NMNAT2: variants seen among roughly 807,000 people sequenced by gnomAD.
The protein encoded by NMNAT2 is nicotinamide/nicotinic acid mononucleotide adenylyltransferase 2.
In NMNAT2, 11 loss-of-function variants were observed where a neutral mutation model predicts 41.6. The ratio of observed to expected loss-of-function variants is 0.26; its 90% CI spans 0.17 to 0.44. The LOEUF (loss-of-function observed/expected upper bound fraction) is 0.44. Among genes scored for constraint, NMNAT2 ranks in the 20% least tolerant of loss-of-function variants. The pLI, the probability that NMNAT2 is intolerant of heterozygous loss-of-function variation, is 1.00. For synonymous variants in NMNAT2, 148 were observed against 151.2 expected, an observed-to-expected ratio of 0.98 and a Z score of 0.16; for missense variants, 288 against 407.7, an observed-to-expected ratio of 0.71 and a Z score of 2.53.
chr1:183,287,080 A>C (rs569533248), intron 4 of NMNAT2, among the ~76,000 whole-genome samples: 1 of 152,148 alleles, frequency 6.6e-6, no homozygotes, highest in East Asian at 1.9e-4. Context: ...CTGAACCTCA[A>C]ATCAGGAGTC....
At chr1:183,371,627 A>T (rs1671388067) in intron 1 of NMNAT2, among the ~76,000 whole-genome samples, 1 of 152,162 alleles carries the variant, frequency 6.6e-6, no homozygotes, top group South Asian at 2.1e-4. Context: ...AACTTCTCTT[A>T]AAAAACATTT....
chr1:183,395,949 C>T (rs957218624), intron 1 of NMNAT2, among the ~76,000 whole-genome samples: 1 of 152,196 alleles, frequency 6.6e-6, no homozygotes. Context: ...CCAGACTTCT[C>T]CTATTTCCCA....
rs78413799 is a variant in NMNAT2, at chr1:183,301,208, A to G, written c.86-7415T>C. Among the ~76,000 whole-genome samples, 651 of 152,354 alleles carry G rather than the reference A, an allele frequency of 4.3e-3. 3 individuals are homozygous for G. The highest frequency in any genetic ancestry group is 0.014 in the African/African-American group (583 of 41,572). On this transcript the variant is annotated intron_variant, in intron 1 of 10. Coordinates refer to ENST00000287713, the MANE Select transcript of NMNAT2 (RefSeq NM_015039.4). ...TAGTCCCAGGCTTTGCCTGAGATTC[A>G]GCATTTCTGGCAAGCTCCCAAATGA...
chr1:183,389,871 AAGGG>A (rs879319861), intron 1 of NMNAT2, among the ~76,000 whole-genome samples: 559 of 47,340 alleles, frequency 0.012, 79 homozygotes, highest in African/African-American at 0.015. Flanking sequence ...AGAAAGAAAG[AAGGG>A]AGGGAGGGAG....
intron 1 of NMNAT2, among the ~76,000 whole-genome samples, chr1:183,403,443 C>T (rs1188078532): frequency 6.9e-6 from 1 of 143,910 alleles, no homozygotes; most frequent in African/African-American, 2.7e-5. Context: ...AGGAACAACC[C>T]CCCCCCCCAA....
chr1:183,405,723 C>A (rs1487196340), intron 1 of NMNAT2, among the ~76,000 whole-genome samples: 1 of 152,230 alleles, frequency 6.6e-6, no homozygotes, highest in Non-Finnish European at 1.5e-5. Context: ...CGAAGTCTCA[C>A]TTCAAGAGAA....
intron 8 of NMNAT2, among the ~76,000 whole-genome samples, chr1:183,271,073 C>T (rs938756988): frequency 3.3e-5 from 5 of 151,786 alleles, no homozygotes; most frequent in African/African-American, 7.3e-5. Flanking sequence ...CTTTGAGGAG[C>T]GCAAAAAGAA....
chr1:183,416,919 C>A (rs564705267), intron 1 of NMNAT2, among the ~76,000 whole-genome samples: 23 of 152,256 alleles, frequency 1.5e-4, no homozygotes, highest in East Asian at 7.7e-4. Flanking sequence ...AGCTCCGGCG[C>A]GCCCTGCATT....
intron 1 of NMNAT2, among the ~76,000 whole-genome samples, chr1:183,397,563 C>T (rs936909197): frequency 1.3e-5 from 2 of 152,054 alleles, no homozygotes; most frequent in Admixed American, 6.6e-5. Flanking sequence ...ATACAAAGAA[C>T]GCCACAAAGA....
At chr1:183,315,269 A>T (rs1243005182) in intron 1 of NMNAT2, among the ~76,000 whole-genome samples, 1 of 152,240 alleles carries the variant, frequency 6.6e-6, no homozygotes, top group African/African-American at 2.4e-5. Flanking sequence ...ACTTTCACAC[A>T]TATTTTTAAA....
At chr1:183,294,041 G>T (rs987700268) in intron 1 of NMNAT2, among the ~76,000 whole-genome samples, 2 of 152,168 alleles carry the variant, frequency 1.3e-5, no homozygotes, top group Admixed American at 6.5e-5. Flanking sequence ...AGTCCTCTGT[G>T]GGAGGAGCCA....
chr1:183,414,996 A>C (rs1273191408), intron 1 of NMNAT2, among the ~76,000 whole-genome samples: 1 of 152,182 alleles, frequency 6.6e-6, no homozygotes, highest in Non-Finnish European at 1.5e-5. Context: ...AAAATTTTTA[A>C]GGCAGAGTCT....
At chr1:183,285,392 A>T (rs1470997496) in intron 5 of NMNAT2, among the ~76,000 whole-genome samples, 5 of 152,212 alleles carry the variant, frequency 3.3e-5, no homozygotes, top group African/African-American at 1.2e-4. Context: ...CTGCTGGGCT[A>T]AGGCGCTCCT....
intron 1 of NMNAT2, among the ~76,000 whole-genome samples, chr1:183,298,786 A>G (rs1001995990): frequency 5.3e-5 from 8 of 152,214 alleles, no homozygotes; most frequent in African/African-American, 1.9e-4. Context: ...CAACAACAAC[A>G]AGAGACATAC....
At chr1:183,324,344 C>T (rs559883884) in intron 1 of NMNAT2, among the ~76,000 whole-genome samples, 7 of 152,194 alleles carry the variant, frequency 4.6e-5, no homozygotes, top group Admixed American at 3.9e-4. Flanking sequence ...ATTGACAAGG[C>T]GGAATGAGCT....
At chr1:183,369,938 A>G (rs1663495329) in intron 1 of NMNAT2, among the ~76,000 whole-genome samples, 1 of 152,130 alleles carries the variant, frequency 6.6e-6, no homozygotes, top group African/African-American at 2.4e-5. Flanking sequence ...GCCCAAGGAA[A>G]CACCACGAGC....
chr1:183,267,787 G>A (rs1660857077), intron 8 of NMNAT2, among the ~76,000 whole-genome samples: 1 of 152,126 alleles, frequency 6.6e-6, no homozygotes, highest in Admixed American at 6.5e-5. Context: ...GCCCTTGGGG[G>A]TGGAGAGGTG....
At chr1:183,318,429 T>C (rs1183321589) in intron 1 of NMNAT2, among the ~76,000 whole-genome samples, 1 of 152,236 alleles carries the variant, frequency 6.6e-6, no homozygotes, top group Non-Finnish European at 1.5e-5. Context: ...ACTTGAGTTC[T>C]GTGCTCGGAA....
chr1:183,270,930 G>A lies in NMNAT2; in HGVS notation c.651+7623C>T, dbSNP rs182048071. On this transcript the variant is annotated intron_variant, in intron 8 of 10. Coordinates refer to ENST00000287713, the MANE Select transcript of NMNAT2 (RefSeq NM_015039.4). ...ATTTCTTCTGGAGTGGCTAATGCCC[G>A]AGGCTCTTCCTCTGTTTATTTTCTT... Among the ~76,000 whole-genome samples the A allele has an allele frequency of 8.5e-5, 13 of 152,224 alleles. No individual in the cohort carries two copies. In the East Asian group the frequency reaches 2.3e-3, roughly 27 times the overall value.
Sources: allele counts gnomAD v4.1 joint callset (sites outside exome capture counted in the v4.1 genomes callset), GRCh38; gene constraint gnomAD v4.1.1; transcripts MANE v1.5; gene names NCBI Gene and HGNC (gene_info 2026-07-23, HGNC 2026-07-21).